Variants in ANXA10 observed in about 807,000 individuals in gnomAD.
The protein encoded by ANXA10 is annexin A10.
ANXA10 carries 49 observed loss-of-function variants against 53.5 expected under a neutral mutation model. The observed-to-expected ratio is 0.92, with a 90% CI of 0.73 to 1.16. The LOEUF (loss-of-function observed/expected upper bound fraction) is 1.16. ANXA10 is among the 50% of genes most tolerant of loss of function. The probability of loss-of-function intolerance (pLI) is 0.00; values close to 1 mark genes in which losing one functional copy is unlikely to be tolerated. For synonymous variants in ANXA10, 131 were observed against 128.9 expected, an observed-to-expected ratio of 1.02 and a Z score of -0.11; for missense variants, 393 against 394.4, an observed-to-expected ratio of 1.00 and a Z score of 0.03.
At chr4:168,179,059 T>G (rs1732187997) in intron 8 of ANXA10, among the ~76,000 whole-genome samples, 158 bp from the exon 9 acceptor site, 1 of 152,224 alleles carries the variant, frequency 6.6e-6, no homozygotes, top group Non-Finnish European at 1.5e-5. Context: ...CTAAGAGTAT[T>G]TGTATTTGTT....
At chr4:168,140,248 A>G (rs1731304086) in intron 3 of ANXA10, among the ~76,000 whole-genome samples, 1 of 152,224 alleles carries the variant, frequency 6.6e-6, no homozygotes, top group Admixed American at 6.5e-5. Context: ...GCCTGAAACA[A>G]CAATTACTTC....
intron 1 of ANXA10, among the ~76,000 whole-genome samples, chr4:168,106,445 C>T (rs1247048578): frequency 6.6e-6 from 1 of 152,000 alleles, no homozygotes; most frequent in East Asian, 1.9e-4. Flanking sequence ...TTCCATGGAA[C>T]TCTTGGAAGA....
At chr4:168,155,425 A>G (rs1203074910) in intron 3 of ANXA10, among the ~76,000 whole-genome samples, 3 of 90,368 alleles carry the variant, frequency 3.3e-5, no homozygotes, top group Non-Finnish European at 6.0e-5. Flanking sequence ...ATTATATTAT[A>G]TATAATTATA....
At chr4:168,151,334 T>C (rs937591458) in intron 3 of ANXA10, among the ~76,000 whole-genome samples, 3 of 152,224 alleles carry the variant, frequency 2.0e-5, no homozygotes, top group African/African-American at 7.2e-5. Flanking sequence ...GTCTTACTTC[T>C]ATTTCTTGCC....
intron 3 of ANXA10, among the ~76,000 whole-genome samples, chr4:168,142,603 T>A (rs1731344632): frequency 6.6e-6 from 1 of 152,232 alleles, no homozygotes; most frequent in Admixed American, 6.5e-5. Flanking sequence ...TGTTTGTATC[T>A]GTTTCACTCT....
chr4:168,176,580 G>C (rs2149480432), intron 6 of ANXA10, among the ~76,000 whole-genome samples: 1 of 152,276 alleles, frequency 6.6e-6, no homozygotes, highest in South Asian at 2.1e-4. Flanking sequence ...GAACCGGTAA[G>C]AAATTTGGGA....
At chr4:168,128,704 C>T (rs6833495) in intron 2 of ANXA10, among the ~76,000 whole-genome samples, 76,837 of 151,820 alleles carry the variant, frequency 0.51, 20,063 homozygotes, top group Non-Finnish European at 0.58. Flanking sequence ...CTCTCTGAAT[C>T]CTTCTTTGGG....
At chr4:168,134,375 T>C (rs1731201587) in intron 2 of ANXA10, among the ~76,000 whole-genome samples, 1 of 152,164 alleles carries the variant, frequency 6.6e-6, no homozygotes. Context: ...TTATTGAGAT[T>C]CATATAAAAT....
intron 2 of ANXA10, among the ~76,000 whole-genome samples, chr4:168,129,074 G>T (rs1294321739): frequency 2.0e-5 from 3 of 151,996 alleles, no homozygotes; most frequent in Admixed American, 6.6e-5. Flanking sequence ...CAACATAAAA[G>T]AAATCTTTGC....
At chr4:168,101,741 C>G (rs141839836) in intron 1 of ANXA10, among the ~76,000 whole-genome samples, 195 of 152,100 alleles carry the variant, frequency 1.3e-3, no homozygotes, top group Non-Finnish European at 2.4e-3. Context: ...TGTGTGTATA[C>G]TAACCCATTT....
intron 3 of ANXA10, among the ~76,000 whole-genome samples, chr4:168,145,219 T>C (rs1443956356): frequency 6.6e-6 from 1 of 152,148 alleles, no homozygotes; most frequent in Non-Finnish European, 1.5e-5. Context: ...GGTTTTATAA[T>C]ACTGATGTAG....
intron 1 of ANXA10, among the ~76,000 whole-genome samples, chr4:168,126,627 C>A (rs1731074376): frequency 6.6e-6 from 1 of 152,066 alleles, no homozygotes; most frequent in Admixed American, 6.6e-5. Context: ...AGCTCTTCCC[C>A]CCACACCTTC....
chr4:168,146,041 T>G (rs1318344963), intron 3 of ANXA10, among the ~76,000 whole-genome samples: 1 of 151,856 alleles, frequency 6.6e-6, no homozygotes, highest in Non-Finnish European at 1.5e-5. Flanking sequence ...CCTGAGTAGC[T>G]GGGATTACAG....
intron 3 of ANXA10, among the ~76,000 whole-genome samples, chr4:168,157,355 C>T (rs1731704966): frequency 6.6e-6 from 1 of 152,000 alleles, no homozygotes; most frequent in Admixed American, 6.6e-5. Flanking sequence ...GCAACCTCCG[C>T]CACCCAGGTT....
intron 6 of ANXA10, among the ~76,000 whole-genome samples, chr4:168,174,935 T>C (rs190062901): frequency 2.0e-5 from 3 of 152,208 alleles, no homozygotes; most frequent in Non-Finnish European, 4.4e-5. Flanking sequence ...GAAGTTCAGA[T>C]GACAGATCTT....
chr4:168,155,621 T>A (rs1180518329), intron 3 of ANXA10, among the ~76,000 whole-genome samples: 1 of 72,274 alleles, frequency 1.4e-5, no homozygotes, highest in African/African-American at 5.5e-5. Flanking sequence ...TTATATATTA[T>A]AAATATATAT....
chr4:168,100,441 A>C (rs186859597), intron 1 of ANXA10, among the ~76,000 whole-genome samples: 1 of 152,166 alleles, frequency 6.6e-6, no homozygotes, highest in East Asian at 1.9e-4. Context: ...ATTGTCACCC[A>C]TCTTTCTATT....
intron 1 of ANXA10, among the ~76,000 whole-genome samples, chr4:168,118,823 T>C (rs1560962727): frequency 1.3e-5 from 2 of 152,202 alleles, no homozygotes; most frequent in Admixed American, 6.5e-5. Context: ...TCCTATTTTT[T>C]ACTTGGAGAA....
intron 1 of ANXA10, among the ~76,000 whole-genome samples, chr4:168,120,908 A>G (rs1321263705): frequency 1.3e-5 from 2 of 152,100 alleles, no homozygotes; most frequent in Admixed American, 6.5e-5. Context: ...AATTGCATTT[A>G]GTAAAAGATA....
Sources: gnomAD v4.1 joint callset for allele counts (sites outside exome capture counted in the v4.1 genomes callset) on GRCh38, gnomAD v4.1.1 for gene constraint, MANE v1.5 for transcripts, NCBI Gene and HGNC (gene_info 2026-07-23, HGNC 2026-07-21) for gene names.